GSTO2: variants seen among roughly 807,000 people sequenced by gnomAD.
GSTO2 encodes the protein glutathione S-transferase omega 2, also known as glutathione S-transferase omega-2.
Under a neutral mutation model 28.4 loss-of-function variants are expected in GSTO2, and 23 were observed. That is an observed-to-expected ratio of 0.81 (90% CI 0.58 to 1.15). The LOEUF (loss-of-function observed/expected upper bound fraction) is 1.15, where lower values mean the gene tolerates loss of function less well. Among genes scored for constraint, GSTO2 ranks in the 50% most tolerant of loss-of-function variants. GSTO2 has a pLI of 0.00. For synonymous variants in GSTO2, 109 were observed against 111.0 expected (o/e 0.98, Z 0.11); for missense variants, 298 against 297.8 (o/e 1.00, Z 0.00).
chr10:104,286,357 C>T (rs1220558045), intron 5 of GSTO2, among the ~76,000 whole-genome samples: 1 of 152,188 alleles, frequency 6.6e-6, no homozygotes, highest in Non-Finnish European at 1.5e-5. Flanking sequence ...AATCATACAA[C>T]ATGTAGCATT....
chr10:104,278,374 G>A (rs1360848051), intron 4 of GSTO2, among the ~76,000 whole-genome samples: 1 of 152,248 alleles, frequency 6.6e-6, no homozygotes, highest in East Asian at 1.9e-4. Context: ...GTAACTTGAA[G>A]CAGGAATACT....
At chr10:104,293,563 ATTTTTT>A (rs397787244) in intron 5 of GSTO2, among the ~76,000 whole-genome samples, 6 of 81,642 alleles carry the variant, frequency 7.3e-5, no homozygotes, top group African/African-American at 3.1e-4. Context: ...CGCCTGGCCA[ATTTTTT>A]TTTTTTTTTT....
Position 104,297,662 on chromosome 10 carries a change from C to T in GSTO2, c.553C>T (p.Leu185=). 9 of 1,613,102 alleles carry T rather than the reference C, an allele frequency of 5.6e-6. No individual in the cohort carries two copies. The highest frequency in any genetic ancestry group is 7.6e-6 in the Non-Finnish European group (9 of 1,179,142). ...CCTCCTCTGGCCCTGGTTTGAGCGG[C>T]TGGATGTGTATGGGATACTGGAGTA... The part of the protein sequence containing the change: ...DYLLWPWFER[L]DVYGILDCVS... The change falls in exon 6 of 7, where the codon CTG becomes TTG. Residue 185 remains leucine (L), a synonymous_variant. Transcript: ENST00000338595.
intron 1 of GSTO2, 66 bp from the exon 2 acceptor site, chr10:104,274,619 A>AG: frequency 9.7e-6 from 5 of 513,574 alleles, no homozygotes; most frequent in Non-Finnish European, 1.7e-5. Flanking sequence ...CCAAAGCTTT[A>AG]AGCACATGTC....
chr10:104,293,563 A>ATTATTTTTTTTTT (rs2012877645), intron 5 of GSTO2, among the ~76,000 whole-genome samples: 3 of 81,652 alleles, frequency 3.7e-5, no homozygotes, highest in African/African-American at 1.2e-4. Context: ...CGCCTGGCCA[A>ATTATTTTTTTTTT]TTTTTTTTTT....
chr10:104,288,836 G>A (rs2012604301), intron 5 of GSTO2, among the ~76,000 whole-genome samples: 1 of 152,096 alleles, frequency 6.6e-6, no homozygotes, highest in Non-Finnish European at 1.5e-5. Flanking sequence ...GTTTTCTTTT[G>A]ACTTTTAATT....
chr10:104,281,449 T>G (rs2012032710), intron 5 of GSTO2, among the ~76,000 whole-genome samples: 1 of 152,112 alleles, frequency 6.6e-6, no homozygotes, highest in East Asian at 1.9e-4. Flanking sequence ...AATTGAAACA[T>G]TTTCATCAGT....
At chr10:104,273,590 C>A (rs914916163) in intron 1 of GSTO2, among the ~76,000 whole-genome samples, 3 of 152,190 alleles carry the variant, frequency 2.0e-5, no homozygotes, top group Non-Finnish European at 4.4e-5. Context: ...TAGGCTCTGT[C>A]ATTTTAATAA....
intron 3 of GSTO2, among the ~76,000 whole-genome samples, chr10:104,277,309 A>G (rs1188902103): frequency 7.1e-6 from 1 of 141,500 alleles, no homozygotes; most frequent in East Asian, 2.0e-4. Context: ...TTTTTTTTTT[A>G]GATGGAGTTT....
chr10:104,282,033 T>G (rs1227297572), intron 5 of GSTO2, among the ~76,000 whole-genome samples: 3 of 151,986 alleles, frequency 2.0e-5, no homozygotes, highest in African/African-American at 7.3e-5. Flanking sequence ...CCTTTTCCAC[T>G]GTGCCCAGGG....
At chr10:104,280,450 A>G (rs2011967285) in intron 5 of GSTO2, among the ~76,000 whole-genome samples, 1 of 152,208 alleles carries the variant, frequency 6.6e-6, no homozygotes, top group South Asian at 2.1e-4. Flanking sequence ...AATTCTACTC[A>G]ATGGCTATTT....
intron 1 of GSTO2, among the ~76,000 whole-genome samples, chr10:104,270,958 C>T (rs1337794962): frequency 6.6e-6 from 1 of 152,130 alleles, no homozygotes; most frequent in African/African-American, 2.4e-5. Context: ...AAAGCAGATC[C>T]GATCATATTT....
intron 5 of GSTO2, among the ~76,000 whole-genome samples, chr10:104,284,418 C>T (rs1008472189): frequency 1.3e-5 from 2 of 152,150 alleles, no homozygotes; most frequent in Non-Finnish European, 2.9e-5. Flanking sequence ...TGTTATATAA[C>T]CACATTTTTC....
In GSTO2 at chr10:104,299,484, C is replaced by T; in HGVS notation, c.*200C>T. ...CTGCTGCTACTGCTGCTTTTTTTTC[C>T]TTTTTTTTTTTGAGGCAAGATCTTG... On this transcript the variant is annotated 3_prime_UTR_variant, in exon 7 of 7. Coordinates refer to ENST00000338595, the MANE Select transcript of GSTO2 (RefSeq NM_183239.2). 1.1e-5 allele frequency: 5 copies of T among 474,400 alleles called. No individual in the cohort carries two copies. Among genetic ancestry groups the T allele is most frequent in the Non-Finnish European group, 1.8e-5 (5 of 279,366 alleles). The allele number at this position is 474,400 out of a possible 1,614,324, so 29.4% of individuals were successfully genotyped here.
At chr10:104,293,343 A>T (rs1005778756) in intron 5 of GSTO2, among the ~76,000 whole-genome samples, 1 of 152,202 alleles carries the variant, frequency 6.6e-6, no homozygotes, top group African/African-American at 2.4e-5. Flanking sequence ...CCGTATCAAG[A>T]TATCAAGTCA....
intron 1 of GSTO2, among the ~76,000 whole-genome samples, chr10:104,272,706 C>T (rs1393160143): frequency 1.3e-5 from 2 of 149,012 alleles, no homozygotes; most frequent in Non-Finnish European, 3.0e-5. Flanking sequence ...CTCCGCCTCC[C>T]GGGTTCACGC....
chr10:104,301,140 C>A lies in GSTO2; in HGVS notation c.*1856C>A, dbSNP rs1043709770. 1.3e-5 allele frequency: 2 copies of A among 152,252 alleles called. No individual in the cohort carries two copies. 9.4% of individuals were successfully genotyped at this position (152,252 alleles called of 1,614,324 possible). ...AGAAGAGGGGAATCTTCTCCTGTGG[C>A]CTCTCATAGGACTTAGGAGATTGAT... On this transcript the variant is annotated 3_prime_UTR_variant, in exon 7 of 7. Coordinates refer to ENST00000338595, the MANE Select transcript of GSTO2 (RefSeq NM_183239.2).
chr10:104,276,943 TAGA>T (rs771640597), intron 3 of GSTO2, among the ~76,000 whole-genome samples: 8 of 152,160 alleles, frequency 5.3e-5, no homozygotes, highest in African/African-American at 4.8e-5. Context: ...ATCTAATAAT[TAGA>T]AGAAGAATTA....
Position 104,302,418 on chromosome 10 carries a change from A to C in GSTO2, c.*3134A>C, listed in dbSNP as rs1046880392. 4.6e-4 allele frequency: 70 copies of C among 152,448 alleles called. No individual in the cohort carries two copies. Among genetic ancestry groups the C allele is most frequent in the African/African-American group, 1.7e-3 (70 of 41,548 alleles). The allele number at this position is 152,448 out of a possible 1,614,324, so 9.4% of individuals were successfully genotyped here. A position where few individuals can be genotyped will look rare whatever the true frequency, so the allele number is the denominator to read the frequency against. On this transcript the variant is annotated 3_prime_UTR_variant, in exon 7 of 7. Coordinates refer to ENST00000338595, the MANE Select transcript of GSTO2 (RefSeq NM_183239.2). ...TAACATCAGAATGGAGGTTGTGTGG[A>C]GTTCCCCTCCTTGGAGGTTCTGAGC...
Sources: gnomAD v4.1 joint callset for allele counts (sites outside exome capture counted in the v4.1 genomes callset) on GRCh38, gnomAD v4.1.1 for gene constraint, MANE v1.5 for transcripts, NCBI Gene and HGNC (gene_info 2026-07-23, HGNC 2026-07-21) for gene names.